RICTOR: variants seen among roughly 807,000 people sequenced by gnomAD.
RICTOR encodes the protein rapamycin-insensitive companion of mTOR.
In RICTOR, 49 loss-of-function variants were observed where a neutral mutation model predicts 214.9. The ratio of observed to expected loss-of-function variants is 0.23; its 90% CI spans 0.18 to 0.29. RICTOR has a LOEUF of 0.29. Among genes scored for constraint, RICTOR ranks in the 10% least tolerant of loss-of-function variants. The pLI is 1.00. For synonymous variants in RICTOR, 717 were observed against 711.3 expected (o/e 1.01, Z -0.13); for missense variants, 1,625 against 2,047.0 (o/e 0.79, Z 3.98).
chr5:39,050,283 A>G (rs1316598488), intron 2 of RICTOR, among the ~76,000 whole-genome samples: 7 of 151,964 alleles, frequency 4.6e-5, no homozygotes, highest in Non-Finnish European at 2.9e-5. Context: ...GGAAAATTTG[A>G]GCACTGACTG....
In RICTOR at chr5:38,954,854, G is replaced by A. The variant is rs759388560; in HGVS notation, c.2617C>T (p.Arg873Cys). Residue 873 changes from arginine to cysteine, a missense_variant, in exon 27 of 38, where the codon CGT becomes TGT. Arg to Cys is a radical substitution (Grantham distance 180). This residue lies in a region of RICTOR where 1,214 missense variants were observed against 1,470.5 expected (regional missense o/e 0.83). Transcript: ENST00000357387. ...TGTATAGGCAGGTAGACGTGAGGAC[G>A]CTGTAATCTAGTATAATAAAGATGA... ...YVRRSNQRLQ[R>C]PHVYLPIHLY... 4.5e-6 allele frequency: 7 copies of A among 1,553,230 alleles called. No individual in the cohort carries two copies. Among genetic ancestry groups the A allele is most frequent in the South Asian group, 4.5e-5 (4 of 89,034 alleles).
chr5:39,039,515 C>A (rs1224231829), intron 2 of RICTOR, among the ~76,000 whole-genome samples: 2 of 152,188 alleles, frequency 1.3e-5, no homozygotes, highest in African/African-American at 4.8e-5. Flanking sequence ...AAACTACCAT[C>A]AGAGTGAACA....
rs1197897693 is a variant in RICTOR at position 38,940,236 on chromosome 5, G to A, written c.*2068C>T. The A allele has an allele frequency of 8.6e-6, 2 of 231,724 alleles. No homozygotes were observed. The highest frequency in any genetic ancestry group is 1.7e-5 in the Non-Finnish European group (2 of 117,274). The allele number at this position is 231,724 out of a possible 1,614,324, so 14.4% of individuals were successfully genotyped here. On this transcript the variant is annotated 3_prime_UTR_variant, in exon 38 of 38. Transcript: ENST00000357387. ...TGAGGGTACAGGGATAGTGATGGTG[G>A]GGGAGGGGGTGTGTGTGTGTGTAAG...
At chr5:39,046,826 A>G (rs1311647711) in intron 2 of RICTOR, among the ~76,000 whole-genome samples, 1 of 152,222 alleles carries the variant, frequency 6.6e-6, no homozygotes, top group African/African-American at 2.4e-5. Context: ...AATGTTTTAA[A>G]TGTAAACAAC....
rs1756799978 is a variant in RICTOR, at chr5:39,037,373, C to G, written c.98-16237G>C. Among the ~76,000 whole-genome samples the G allele has an allele frequency of 2.0e-5, 3 of 151,810 alleles. No homozygotes were observed. In the South Asian group the frequency reaches 6.3e-4, roughly 32 times the overall value. The stretch of plus-strand genomic sequence containing the variant: ...GCCCACAAGAGAAAGCAGGAAAGAT[C>G]CAAAATTGACACCCTAACATCACAA... On this transcript the variant is annotated intron_variant, in intron 2 of 37. Transcript: ENST00000357387.
chr5:38,986,979 A>C (rs1322138529), intron 7 of RICTOR, among the ~76,000 whole-genome samples: 3 of 152,164 alleles, frequency 2.0e-5, no homozygotes, highest in Non-Finnish European at 2.9e-5. Context: ...CTATTGAGGT[A>C]ATCATGTGGA....
chr5:39,027,306 A>G (rs982279875), intron 2 of RICTOR, among the ~76,000 whole-genome samples: 7 of 152,196 alleles, frequency 4.6e-5, no homozygotes, highest in Non-Finnish European at 1.0e-4. Flanking sequence ...TAGGTGGTAA[A>G]AATTACTGAT....
At chr5:38,965,205 T>C (rs1561467992) in intron 15 of RICTOR, among the ~76,000 whole-genome samples, 1 of 151,998 alleles carries the variant, frequency 6.6e-6, no homozygotes, top group South Asian at 2.1e-4. Context: ...AGGGATTATA[T>C]GTCAAAACAT....
At chr5:39,029,905 T>A (rs1199726361) in intron 2 of RICTOR, among the ~76,000 whole-genome samples, 1 of 152,184 alleles carries the variant, frequency 6.6e-6, no homozygotes, top group Non-Finnish European at 1.5e-5. Flanking sequence ...CATGTGAAAT[T>A]TATACAGCTG....
At chr5:38,966,565 C>A in intron 15 of RICTOR, 76 bp downstream of exon 15, 1 of 748,708 alleles carries the variant, frequency 1.3e-6, no homozygotes, top group Non-Finnish European at 2.3e-6. Context: ...TACAAAGCAA[C>A]ACTATTAAAA....
chr5:38,962,825 A>T, intron 17 of RICTOR, 51 bp downstream of exon 17: 1 of 1,464,510 alleles, frequency 6.8e-7, no homozygotes, highest in Non-Finnish European at 9.6e-7. Context: ...CCAGTGGTTA[A>T]GGAATTAAGA....
At chr5:39,016,615 G>T (rs1754977145) in intron 3 of RICTOR, among the ~76,000 whole-genome samples, 1 of 152,088 alleles carries the variant, frequency 6.6e-6, no homozygotes, top group Admixed American at 6.6e-5. Context: ...AAGAAAACCT[G>T]GGACCTAGAC....
At position 39,008,122 on chromosome 5, in the gene RICTOR, T is replaced by C. The variant is rs553688506; in HGVS notation, c.196-4500A>G. Among the ~76,000 whole-genome samples the C allele has an allele frequency of 2.4e-4, 37 of 151,974 alleles. No individual in the cohort carries two copies. In the South Asian group the frequency reaches 6.8e-3, roughly 28 times the overall value. The stretch of plus-strand genomic sequence containing the variant: ...GTAATATACAATCATAAGAAAAATA[T>C]GCAGAATCTATTGCTAAATGGGGAA... On this transcript the variant is annotated intron_variant, in intron 3 of 37. Transcript: ENST00000357387.
At chr5:39,000,166 T>C (rs1183037456) in intron 5 of RICTOR, among the ~76,000 whole-genome samples, 1 of 151,908 alleles carries the variant, frequency 6.6e-6, no homozygotes, top group East Asian at 1.9e-4. Flanking sequence ...TAATTGAGTC[T>C]ATAATTTTAA....
intron 7 of RICTOR, among the ~76,000 whole-genome samples, chr5:38,982,653 G>C (rs1283359179): frequency 6.6e-6 from 1 of 151,976 alleles, no homozygotes; most frequent in Non-Finnish European, 1.5e-5. Context: ...TCCCAAACTA[G>C]TTTTTGTACT....
chr5:39,015,312 T>C (rs990741504), intron 3 of RICTOR, among the ~76,000 whole-genome samples: 1 of 152,204 alleles, frequency 6.6e-6, no homozygotes, highest in Non-Finnish European at 1.5e-5. Flanking sequence ...TTTATAGGAA[T>C]ACTAGTTACC....
chr5:38,994,668 T>C (rs1398466199), intron 6 of RICTOR, among the ~76,000 whole-genome samples: 1 of 152,152 alleles, frequency 6.6e-6, no homozygotes, highest in African/African-American at 2.4e-5. Context: ...TCAACTACTC[T>C]GCATCTCAGA....
chr5:39,045,079 T>C (rs1007811899), intron 2 of RICTOR, among the ~76,000 whole-genome samples: 1 of 152,210 alleles, frequency 6.6e-6, no homozygotes, highest in Admixed American at 6.5e-5. Flanking sequence ...TCTCTTTCCC[T>C]TTTCCACAGT....
intron 25 of RICTOR, among the ~76,000 whole-genome samples, chr5:38,956,423 T>TGGAA (rs2112895983): frequency 6.6e-6 from 1 of 152,238 alleles, no homozygotes; most frequent in East Asian, 1.9e-4. Context: ...CAGCCTCATC[T>TGGAA]TGCCACTCCA....
Sources: gnomAD v4.1 joint callset for allele counts (sites outside exome capture counted in the v4.1 genomes callset) on GRCh38, gnomAD v4.1.1 for gene constraint, gnomAD v4.1.1 regional missense constraint, MANE v1.5 for transcripts, NCBI Gene and HGNC (gene_info 2026-07-23, HGNC 2026-07-21) for gene names.